The following SESN1 variants were observed in gnomAD, a reference collection of about 807,000 sequenced individuals.
The protein encoded by SESN1 is sestrin-1.
SESN1 carries 30 observed loss-of-function variants against 59.3 expected under a neutral mutation model. The ratio of observed to expected loss-of-function variants is 0.51; its 90% confidence interval spans 0.38 to 0.69. The LOEUF (loss-of-function observed/expected upper bound fraction) is 0.69, where lower values mean the gene tolerates loss of function less well. Among genes scored for constraint, SESN1 ranks in the 30% least tolerant of loss-of-function variants. The pLI is 0.00. For missense variants in SESN1, 566 were observed against 673.0 expected, an observed-to-expected ratio of 0.84 and a Z score of 1.76; for synonymous variants, 197 against 219.9, an observed-to-expected ratio of 0.90 and a Z score of 0.92.
At chr6:109,057,265 G>A (rs1006006214) in intron 1 of SESN1, among the ~76,000 whole-genome samples, 4 of 152,200 alleles carry the variant, frequency 2.6e-5, no homozygotes, top group African/African-American at 7.2e-5. Flanking sequence ...ATATGTTTTA[G>A]GGTAATTTTG....
chr6:109,065,454 G>A (rs902301285), intron 1 of SESN1, among the ~76,000 whole-genome samples: 1 of 151,940 alleles, frequency 6.6e-6, no homozygotes, highest in African/African-American at 2.4e-5. Context: ...AAATTCACTT[G>A]GTTTTAAAAA....
At chr6:109,068,276 A>T (rs1346436994) in intron 1 of SESN1, among the ~76,000 whole-genome samples, 2 of 152,208 alleles carry the variant, frequency 1.3e-5, no homozygotes, top group African/African-American at 4.8e-5. Context: ...AGGGAGAAAA[A>T]GAAACTAATT....
At chr6:109,009,669 G>T in intron 1 of SESN1, 1 of 560,862 alleles carries the variant, frequency 1.8e-6, no homozygotes, top group Non-Finnish European at 2.3e-6. Context: ...GCAAAGCACC[G>T]CCCCTCCGGC....
At chr6:109,085,444 C>T (rs1048115674) in intron 1 of SESN1, among the ~76,000 whole-genome samples, 1 of 151,952 alleles carries the variant, frequency 6.6e-6, no homozygotes, top group African/African-American at 2.4e-5. Flanking sequence ...GCGTGAACCC[C>T]GGAGGCGGAG....
intron 1 of SESN1, among the ~76,000 whole-genome samples, chr6:109,074,268 C>A (rs1027817003): frequency 6.6e-6 from 1 of 151,426 alleles, no homozygotes; most frequent in Admixed American, 6.6e-5. Flanking sequence ...TGTCATTAAG[C>A]AACACATAAC....
chr6:109,030,791 T>C (rs184356452), intron 1 of SESN1, among the ~76,000 whole-genome samples: 7 of 152,328 alleles, frequency 4.6e-5, no homozygotes, highest in Admixed American at 2.6e-4. Context: ...TTGTACAACT[T>C]CTTACAACAA....
intron 1 of SESN1, among the ~76,000 whole-genome samples, chr6:109,055,943 C>T (rs1333628879): frequency 6.6e-6 from 1 of 152,054 alleles, no homozygotes; most frequent in African/African-American, 2.4e-5. Flanking sequence ...ATTTTTACTG[C>T]CTAAATATTT....
rs1002476790 is a variant in SESN1 at position 109,026,672 on chromosome 6, T to C, written c.280-24329A>G. Among the ~76,000 whole-genome samples, 136 of 152,056 alleles carry C rather than the reference T, an allele frequency of 8.9e-4. 1 individual carries two copies. Among genetic ancestry groups the C allele is most frequent in the African/African-American group, 3.3e-3 (136 of 41,504 alleles). On this transcript the variant is annotated intron_variant, in intron 1 of 9. Coordinates refer to ENST00000436639, the MANE Select transcript of SESN1 (RefSeq NM_014454.3). The stretch of plus-strand genomic sequence containing the variant: ...GGCGTGCGCCACCATGCCCAACTAA[T>C]TTTTGTATTTTTAGTAGCGACGGGG...
chr6:109,086,966 C>A (rs1460344109), intron 1 of SESN1, among the ~76,000 whole-genome samples: 1 of 151,752 alleles, frequency 6.6e-6, no homozygotes, highest in African/African-American at 2.4e-5. Flanking sequence ...ACCCTGTCTC[C>A]ACTAAAAATA....
Position 109,094,111 on chromosome 6 carries a change from C to A in SESN1, c.-38G>T. The stretch of plus-strand genomic sequence containing the variant: ...TCCTTTGCGGTCTTCAGTTACCTTT[C>A]AGCATGCCCCAAAAAAATTGCTTTG... On this transcript the variant is annotated 5_prime_UTR_variant, in exon 1 of 10. Coordinates refer to ENST00000436639, the MANE Select transcript of SESN1 (RefSeq NM_014454.3). 1 of 1,551,462 alleles carries A rather than the reference C, an allele frequency of 6.4e-7. No individual in the cohort carries two copies. The highest frequency in any genetic ancestry group is 8.7e-7 in the Non-Finnish European group (1 of 1,150,842).
chr6:109,031,869 T>C (rs1011948151), intron 1 of SESN1, among the ~76,000 whole-genome samples: 7 of 152,144 alleles, frequency 4.6e-5, no homozygotes, highest in African/African-American at 1.7e-4. Flanking sequence ...ATTTCAGATT[T>C]TGAAATATTT....
At chr6:109,032,121 A>T (rs947917758) in intron 1 of SESN1, among the ~76,000 whole-genome samples, 3 of 152,140 alleles carry the variant, frequency 2.0e-5, no homozygotes, top group Admixed American at 2.0e-4. Context: ...AATACAAAAA[A>T]ATTAGCCAGG....
At chr6:109,082,789 G>A (rs1673982513) in intron 1 of SESN1, among the ~76,000 whole-genome samples, 1 of 152,198 alleles carries the variant, frequency 6.6e-6, no homozygotes, top group Admixed American at 6.5e-5. Context: ...TTCAATACAT[G>A]TGGATAAAGT....
chr6:108,986,163 T>G lies in SESN1; in HGVS notation c.*1381A>C, dbSNP rs1278772111. ...TTTTTGTTCTGTAGTCTCTCCCTAATGAATCCTTCTTTTTAGTAATTCTTA... is the reference window on the plus strand; with the variant it reads ...TTTTTGTTCTGTAGTCTCTCCCTAAGGAATCCTTCTTTTTAGTAATTCTTA... On this transcript the variant is annotated 3_prime_UTR_variant, in exon 10 of 10. Transcript: ENST00000436639. Among the ~76,000 whole-genome samples, 1 of 152,230 alleles carries G rather than the reference T, an allele frequency of 6.6e-6. No individual in the cohort carries two copies. The highest frequency in any genetic ancestry group is 2.4e-5 in the African/African-American group (1 of 41,468).
intron 1 of SESN1, among the ~76,000 whole-genome samples, chr6:109,021,490 T>G (rs80099385): frequency 0.091 from 13,855 of 151,560 alleles, 863 homozygotes; most frequent in Middle Eastern, 0.19. Flanking sequence ...CAGACTGGAG[T>G]GCAATGGCAC....
At chr6:109,065,431 A>C (rs991252267) in intron 1 of SESN1, among the ~76,000 whole-genome samples, 6 of 152,134 alleles carry the variant, frequency 3.9e-5, no homozygotes, top group Non-Finnish European at 1.5e-5. Flanking sequence ...TGTGATTGAA[A>C]TAACTAAAAT....
Position 109,000,667 on chromosome 6 carries a change from C to T in SESN1, c.553G>A (p.Ala185Thr). Residue 185 changes from alanine to threonine, a missense_variant, in exon 4 of 10, where the codon GCA becomes ACA. Coordinates refer to ENST00000436639, the MANE Select transcript of SESN1 (RefSeq NM_014454.3). ...YRHYIGIMAAARHQCSYLVNL... is the reference protein window; with the variant it reads ...YRHYIGIMAATRHQCSYLVNL... ...ACTAAGTAGGAGCACTGATGTCTTG[C>T]CGCAGCCTTAAAACAAAAAGATTAT... The T allele has an allele frequency of 6.3e-7, 1 of 1,576,894 alleles. No homozygotes were observed. The highest frequency in any genetic ancestry group is 1.4e-5 in the African/African-American group (1 of 73,884).
intron 4 of SESN1, chr6:108,999,806 A>G (rs1779575902): frequency 6.6e-6 from 1 of 152,176 alleles, no homozygotes; most frequent in African/African-American, 2.4e-5. Flanking sequence ...TTTGTCGACA[A>G]AAAACAAGAA....
At chr6:109,054,086 G>T (rs539313682) in intron 1 of SESN1, among the ~76,000 whole-genome samples, 5 of 151,512 alleles carry the variant, frequency 3.3e-5, no homozygotes, top group Non-Finnish European at 5.9e-5. Flanking sequence ...TAATTTTTTG[G>T]GGGGGGAGGG....
Sources: gnomAD v4.1 joint callset for allele counts (sites outside exome capture counted in the v4.1 genomes callset) on GRCh38, gnomAD v4.1.1 for gene constraint, MANE v1.5 for transcripts, NCBI Gene and HGNC (gene_info 2026-07-23, HGNC 2026-07-21) for gene names.